GALNT13: variants seen among roughly 807,000 people sequenced by gnomAD.
GALNT13 encodes UDP-GalNAc:polypeptide N-acetylgalactosaminyltransferase 13.
A neutral mutation model predicts 64.2 loss-of-function variants in GALNT13; 28 were observed. The ratio of observed to expected loss-of-function variants is 0.44; its 90% CI spans 0.32 to 0.60. The LOEUF (loss-of-function observed/expected upper bound fraction) is 0.60. Ranked by LOEUF, GALNT13 falls within the 20% of genes least tolerant of loss-of-function variation. The pLI, the probability that GALNT13 is intolerant of heterozygous loss-of-function variation, is 0.05. For synonymous variants in GALNT13, 214 were observed against 224.6 expected (o/e 0.95, Z 0.42); for missense variants, 577 against 669.8 (o/e 0.86, Z 1.53).
intron 8 of GALNT13, among the ~76,000 whole-genome samples, chr2:154,299,654 A>G (rs376381297): frequency 6.7e-6 from 1 of 149,776 alleles, no homozygotes. Flanking sequence ...TAGTAGAGAC[A>G]GGGTTTCACT....
At chr2:154,213,953 C>T (rs1436389025) in intron 4 of GALNT13, among the ~76,000 whole-genome samples, 3 of 152,088 alleles carry the variant, frequency 2.0e-5, no homozygotes, top group African/African-American at 7.2e-5. Flanking sequence ...ACTACACAAA[C>T]TTTTCATTGT....
chr2:154,006,940 A>G (rs1440844780), intron 3 of GALNT13, among the ~76,000 whole-genome samples: 2 of 152,136 alleles, frequency 1.3e-5, no homozygotes, highest in African/African-American at 2.4e-5. Flanking sequence ...GAGAGGACCT[A>G]TGGATGTGAT....
the GALNT13 span, among the ~76,000 whole-genome samples, chr2:153,383,770 G>A: frequency 2.0e-5 from 3 of 151,962 alleles, no homozygotes; most frequent in Non-Finnish European, 4.4e-5. Flanking sequence ...GTGGGAAATG[G>A]GCATTATCAA....
At chr2:154,354,031 T>C (rs1696568862) in intron 9 of GALNT13, among the ~76,000 whole-genome samples, 1 of 152,184 alleles carries the variant, frequency 6.6e-6, no homozygotes, top group Non-Finnish European at 1.5e-5. Flanking sequence ...TCACCAACAG[T>C]GTATAAGGGT....
chr2:153,829,805 A>G, the GALNT13 span, among the ~76,000 whole-genome samples: 2 of 152,226 alleles, frequency 1.3e-5, no homozygotes, highest in Non-Finnish European at 2.9e-5. Flanking sequence ...TTGCTGTAAA[A>G]TGCTTGCATG....
At chr2:153,674,065 T>C in the GALNT13 span, among the ~76,000 whole-genome samples, 4 of 152,132 alleles carry the variant, frequency 2.6e-5, no homozygotes, top group African/African-American at 9.7e-5. Flanking sequence ...CACAAACAAA[T>C]GGAAGAACAT....
intron 3 of GALNT13, among the ~76,000 whole-genome samples, chr2:153,953,001 G>A (rs971178246): frequency 3.9e-5 from 6 of 152,090 alleles, no homozygotes; most frequent in Non-Finnish European, 5.9e-5. Context: ...TGCTGGCAGC[G>A]GATTAGATGG....
chr2:154,430,766 A>T (rs908025174), intron 11 of GALNT13, among the ~76,000 whole-genome samples: 1 of 152,170 alleles, frequency 6.6e-6, no homozygotes, highest in Admixed American at 6.5e-5. Flanking sequence ...CTTATTTTTT[A>T]AAATTACTAC....
chr2:153,647,395 T>A, the GALNT13 span, among the ~76,000 whole-genome samples: 2 of 152,158 alleles, frequency 1.3e-5, no homozygotes, highest in African/African-American at 4.8e-5. Flanking sequence ...ATTGCAAAAA[T>A]TTTCTCCCAT....
intron 12 of GALNT13, among the ~76,000 whole-genome samples, chr2:154,447,383 T>C (rs1701646038): frequency 6.6e-6 from 1 of 151,996 alleles, no homozygotes; most frequent in Non-Finnish European, 1.5e-5. Flanking sequence ...TTAAGTTGTA[T>C]CTTTTATCTC....
chr2:154,019,601 TCCAC>T (rs1697278150), intron 3 of GALNT13, among the ~76,000 whole-genome samples: 5 of 79,542 alleles, frequency 6.3e-5, no homozygotes, highest in East Asian at 3.7e-4. Context: ...AGAGTAAGAC[TCCAC>T]ACACACACAC....
the GALNT13 span, among the ~76,000 whole-genome samples, chr2:153,393,186 A>G: frequency 6.6e-6 from 1 of 152,080 alleles, no homozygotes. Context: ...TAGTATGCCA[A>G]AAACCTCCCC....
chr2:153,184,072 G>A, the GALNT13 span, among the ~76,000 whole-genome samples: 64 of 152,178 alleles, frequency 4.2e-4, no homozygotes, highest in African/African-American at 1.4e-3. Flanking sequence ...CAGTATTGCC[G>A]TTTTCATGAT....
chr2:153,771,586 G>A, the GALNT13 span, among the ~76,000 whole-genome samples: 1 of 152,058 alleles, frequency 6.6e-6, no homozygotes, highest in East Asian at 1.9e-4. Context: ...TGTTTACTTC[G>A]ATTGCCTGGA....
At chr2:153,731,362 G>C in the GALNT13 span, among the ~76,000 whole-genome samples, 2 of 151,720 alleles carry the variant, frequency 1.3e-5, no homozygotes, top group Non-Finnish European at 3.0e-5. Context: ...AGTGGGACGT[G>C]GGTGAGGGAT....
intron 2 of GALNT13, among the ~76,000 whole-genome samples, chr2:153,906,310 A>G (rs949813010): frequency 2.0e-5 from 3 of 151,150 alleles, no homozygotes; most frequent in Admixed American, 6.6e-5. Flanking sequence ...TTTGTTACAT[A>G]TGTATACATG....
chr2:153,340,288 CT>C, the GALNT13 span, among the ~76,000 whole-genome samples: 1 of 152,054 alleles, frequency 6.6e-6, no homozygotes, highest in South Asian at 2.1e-4. Flanking sequence ...ATTCACAAGC[CT>C]TTTGTATCTT....
intron 1 of GALNT13, among the ~76,000 whole-genome samples, chr2:153,895,604 C>T (rs1424470838): frequency 6.6e-6 from 1 of 152,084 alleles, no homozygotes; most frequent in Non-Finnish European, 1.5e-5. Context: ...CAGCAGGCAA[C>T]AAACACTTTG....
the GALNT13 span, among the ~76,000 whole-genome samples, chr2:153,656,339 T>TGTGTGTGCGC: frequency 3.1e-3 from 436 of 141,556 alleles, 5 homozygotes; most frequent in East Asian, 0.012. Context: ...TGTGTGTGTG[T>TGTGTGTGCGC]GCGCGCGCAC....
Sources: allele counts gnomAD v4.1 joint callset (sites outside exome capture counted in the v4.1 genomes callset), GRCh38; gene constraint gnomAD v4.1.1; transcripts MANE v1.5; gene names NCBI Gene and HGNC (gene_info 2026-07-23, HGNC 2026-07-21).